HOXC4: variants seen among roughly 807,000 people sequenced by gnomAD.
HOXC4 encodes the protein homeobox protein Hox-C4.
HOXC4 carries 15 observed loss-of-function variants against 25.5 expected under a neutral mutation model. That is an observed-to-expected ratio of 0.59 (90% CI 0.39 to 0.91). The LOEUF (loss-of-function observed/expected upper bound fraction) is 0.91. Among genes scored for constraint, HOXC4 ranks in the 40% least tolerant of loss-of-function variants. The pLI, the probability that HOXC4 is intolerant of heterozygous loss-of-function variation, is 0.00. For synonymous variants in HOXC4, 165 were observed against 148.0 expected (o/e 1.11, Z -0.83); for missense variants, 342 against 352.4 (o/e 0.97, Z 0.24).
upstream of HOXC4, among the ~76,000 whole-genome samples, chr12:54,052,895 T>TG (rs1937881007): frequency 6.6e-6 from 1 of 152,136 alleles, no homozygotes; most frequent in African/African-American, 2.4e-5. Context: ...CTGCCCTCTG[T>TG]GGGGACAGAG....
At chr12:54,027,019 C>T (rs368497319) in intron 1 of HOXC4, among the ~76,000 whole-genome samples, 28 of 150,672 alleles carry the variant, frequency 1.9e-4, no homozygotes, top group African/African-American at 6.8e-4. Flanking sequence ...CACCACCCTT[C>T]TTTGTCAACT....
chr12:54,020,666 A>C (rs1326401382), intron 1 of HOXC4: 1 of 152,186 alleles, frequency 6.6e-6, no homozygotes, highest in Non-Finnish European at 1.5e-5. Context: ...TTTTATGTTC[A>C]TGCAAAATTT....
At chr12:54,034,807 C>T (rs1029204754) in intron 1 of HOXC4, 1 of 351,816 alleles carries the variant, frequency 2.8e-6, no homozygotes, top group Non-Finnish European at 5.4e-6. Context: ...TTGGCCTGGG[C>T]CGTATCTCCG....
intron 1 of HOXC4, chr12:54,021,869 CAGG>C: frequency 6.6e-6 from 1 of 152,492 alleles, no homozygotes; most frequent in African/African-American, 2.4e-5. Context: ...CGAACTCGCC[CAGG>C]AGAACAAAGT....
At chr12:54,028,158 T>A (rs1940805024) in intron 1 of HOXC4, among the ~76,000 whole-genome samples, 3 of 152,068 alleles carry the variant, frequency 2.0e-5, no homozygotes, top group African/African-American at 7.2e-5. Flanking sequence ...GCTGAGAGAT[T>A]TCCTGGTAGT....
chr12:54,037,067 G>C (rs1045708590), intron 1 of HOXC4, among the ~76,000 whole-genome samples: 2 of 152,222 alleles, frequency 1.3e-5, no homozygotes, highest in Non-Finnish European at 2.9e-5. Flanking sequence ...ATTTTGGCTT[G>C]GGTAGACACA....
rs1410369112 is a variant in HOXC4 at position 54,034,392 on chromosome 12, A to G, written c.-124+16978A>G. 17 of 1,614,120 alleles carry G rather than the reference A, an allele frequency of 1.1e-5. No individual in the cohort carries two copies. In the East Asian group the frequency reaches 3.3e-4, roughly 32 times the overall value. The stretch of plus-strand genomic sequence containing the variant: ...CGCCGCAGGCGCATAGAGATCGCCA[A>G]CAACTTGTGTCTCAATGAGAGACAG... On this transcript the variant is annotated intron_variant, in intron 1 of 3. Transcript: ENST00000303406.
intron 1 of HOXC4, chr12:54,034,773 G>A: frequency 4.5e-6 from 2 of 440,344 alleles, no homozygotes; most frequent in Non-Finnish European, 4.2e-6. Context: ...GGGCTGCGGC[G>A]TACAGGCTGG....
chr12:54,030,208 G>T (rs949544340), intron 1 of HOXC4: 15 of 419,286 alleles, frequency 3.6e-5, no homozygotes, highest in African/African-American at 2.4e-4. Context: ...TTGTCTACAG[G>T]CCCTTTTCCC....
chr12:54,039,416 A>G (rs908718979), intron 1 of HOXC4, among the ~76,000 whole-genome samples: 3 of 152,076 alleles, frequency 2.0e-5, no homozygotes, highest in Admixed American at 6.5e-5. Context: ...TCTTCAGTCT[A>G]GGGGTCTCTC....
intron 1 of HOXC4, among the ~76,000 whole-genome samples, chr12:54,045,277 G>C (rs1157944832): frequency 1.3e-5 from 2 of 152,142 alleles, no homozygotes; most frequent in East Asian, 3.9e-4. Context: ...ATTCCTTTTT[G>C]TTCCACATTT....
chr12:54,050,570 C>T (rs181544725), upstream of HOXC4, among the ~76,000 whole-genome samples: 1 of 151,970 alleles, frequency 6.6e-6, no homozygotes, highest in Non-Finnish European at 1.5e-5. Flanking sequence ...CCAATTAAGC[C>T]ATTGCTAAGT....
In HOXC4 at chr12:54,037,192, G is replaced by A. The variant is rs575050515; in HGVS notation, c.-123-15968G>A. ...CGGCGGCAACCAAGCCAGAGGCCTC[G>A]TACCTACTTCCCTACGCTGAGGGTG... On this transcript the variant is annotated intron_variant, in intron 1 of 3. Transcript: ENST00000303406. 4.6e-5 allele frequency among the ~76,000 whole-genome samples: 7 copies of A among 152,332 alleles called. No homozygotes were observed. In the Middle Eastern group the frequency reaches 0.01, roughly 222 times the overall value.
intron 1 of HOXC4, among the ~76,000 whole-genome samples, chr12:54,040,787 G>A (rs1318059124): frequency 6.6e-6 from 1 of 152,202 alleles, no homozygotes; most frequent in Non-Finnish European, 1.5e-5. Context: ...GGGGTGAGAG[G>A]AGAGCCCTTT....
chr12:54,023,778 T>C (rs2136425498), intron 1 of HOXC4, among the ~76,000 whole-genome samples: 1 of 152,308 alleles, frequency 6.6e-6, no homozygotes, highest in East Asian at 1.9e-4. Context: ...CTTTTTGGAA[T>C]GCGGTGTGTG....
At chr12:54,051,343 C>G (rs866781913), upstream of HOXC4, among the ~76,000 whole-genome samples, 8 of 152,104 alleles carry the variant, frequency 5.3e-5, no homozygotes, top group Admixed American at 2.0e-4. Flanking sequence ...ACAGTTCAGA[C>G]TTAGGTACTA....
chr12:54,018,014 C>T (rs1025228791), intron 1 of HOXC4, among the ~76,000 whole-genome samples: 2 of 152,160 alleles, frequency 1.3e-5, no homozygotes, highest in Non-Finnish European at 2.9e-5. Context: ...GCCGGCGGGG[C>T]CTGTTAATTG....
At chr12:54,047,402 G>A (rs1388642736) in intron 1 of HOXC4, among the ~76,000 whole-genome samples, 1 of 152,240 alleles carries the variant, frequency 6.6e-6, no homozygotes, top group African/African-American at 2.4e-5. Flanking sequence ...GGACCATTTC[G>A]TTGGAATGTA....
intron 1 of HOXC4, chr12:54,033,998 C>T (rs1326822061): frequency 6.6e-6 from 4 of 609,498 alleles, no homozygotes; most frequent in Non-Finnish European, 9.4e-6. Context: ...CTCGAGGGTG[C>T]TTATTGTTCG....
Sources: allele counts gnomAD v4.1 joint callset (sites outside exome capture counted in the v4.1 genomes callset), GRCh38; gene constraint gnomAD v4.1.1; transcripts MANE v1.5; gene names NCBI Gene and HGNC (gene_info 2026-07-23, HGNC 2026-07-21).